The following DCBLD2 variants were observed in gnomAD, a reference collection of about 807,000 sequenced individuals.
DCBLD2 encodes discoidin, CUB and LCCL domain containing 2, also known as discoidin, CUB and LCCL domain-containing protein 2.
Under a neutral mutation model 86.8 loss-of-function variants are expected in DCBLD2, and 54 were observed. That is an observed-to-expected ratio of 0.62 (90% confidence interval 0.50 to 0.78). The LOEUF (loss-of-function observed/expected upper bound fraction) is 0.78, where lower values mean the gene tolerates loss of function less well. Among genes scored for constraint, DCBLD2 ranks in the 30% least tolerant of loss-of-function variants. DCBLD2 has a pLI of 0.00. For missense variants in DCBLD2, 908 were observed against 954.2 expected, an observed-to-expected ratio of 0.95 and a Z score of 0.64; for synonymous variants, 354 against 341.3, an observed-to-expected ratio of 1.04 and a Z score of -0.41.
chr3:98,819,286 T>C lies in DCBLD2; in HGVS notation c.1003A>G (p.Lys335Glu). ...SWKPKKARLK[K>E]PGPPWAAFAT... ...AAAGCAGCCCAAGGCGGTCCAGGTTTTTTCAGCCTGGCTTTTTTGGGTTTC... is the reference window on the plus strand; with the variant it reads ...AAAGCAGCCCAAGGCGGTCCAGGTTCTTTCAGCCTGGCTTTTTTGGGTTTC... The change falls in exon 8 of 16, where the codon AAA (lysine) becomes GAA (glutamate). Residue 335 changes from lysine to glutamate, a missense_variant. Around this residue, in one of 3 missense-constraint regions of DCBLD2, gnomAD observed 606 missense variants for 678.5 expected, o/e 0.89. Transcript: ENST00000326840. 1 of 1,613,562 alleles carries C rather than the reference T, an allele frequency of 6.2e-7. No homozygotes were observed. Among genetic ancestry groups the C allele is most frequent in the South Asian group, 1.1e-5 (1 of 91,010 alleles).
intron 3 of DCBLD2, among the ~76,000 whole-genome samples, chr3:98,836,622 CGG>C (rs1942457605): frequency 1.5e-5 from 2 of 135,670 alleles, no homozygotes; most frequent in African/African-American, 2.7e-5. Flanking sequence ...ACCTCCCAGA[CGG>C]GGCGGCTGGC....
intron 3 of DCBLD2, among the ~76,000 whole-genome samples, chr3:98,844,849 A>G (rs1009228821): frequency 6.6e-6 from 1 of 152,148 alleles, no homozygotes; most frequent in Non-Finnish European, 1.5e-5. Context: ...AATTTTCAGA[A>G]AGTCTGGCCG....
intron 3 of DCBLD2, among the ~76,000 whole-genome samples, chr3:98,846,620 C>T (rs1344859744): frequency 6.6e-6 from 1 of 152,074 alleles, no homozygotes; most frequent in Non-Finnish European, 1.5e-5. Flanking sequence ...TGAGATTTCC[C>T]AAGATGATTA....
intron 3 of DCBLD2, among the ~76,000 whole-genome samples, chr3:98,838,990 A>C (rs1345576994): frequency 6.8e-6 from 1 of 147,878 alleles, no homozygotes; most frequent in African/African-American, 2.5e-5. Flanking sequence ...GCAGCAGTAC[A>C]GTCCAGCTTC....
At chr3:98,872,987 C>T (rs879344920) in intron 2 of DCBLD2, among the ~76,000 whole-genome samples, 4 of 152,000 alleles carry the variant, frequency 2.6e-5, no homozygotes, top group Non-Finnish European at 5.9e-5. Context: ...CAAAGTGATT[C>T]AGAAAGGCTA....
At chr3:98,842,787 AC>A (rs1444233931) in intron 3 of DCBLD2, among the ~76,000 whole-genome samples, 1 of 152,206 alleles carries the variant, frequency 6.6e-6, no homozygotes, top group Non-Finnish European at 1.5e-5. Flanking sequence ...AAATCTCCAT[AC>A]ACTAAAAAAT....
chr3:98,797,939 T>G lies in DCBLD2; in HGVS notation c.*1433A>C, dbSNP rs1941643817. On this transcript the variant is annotated 3_prime_UTR_variant, in exon 16 of 16. Transcript: ENST00000326840. Reference sequence around the variant, plus strand: ...AAGAGGGAATGTCAAATTTATGTATTTTTATCATATGGTGAGCTGCTCATG... The same window carrying G: ...AAGAGGGAATGTCAAATTTATGTATGTTTATCATATGGTGAGCTGCTCATG... 6.6e-6 allele frequency: 1 copy of G among 152,218 alleles called. No individual in the cohort carries two copies. The highest frequency in any genetic ancestry group is 1.5e-5 in the Non-Finnish European group (1 of 68,034). The allele number at this position is 152,218 out of a possible 1,614,324, so 9.4% of individuals were successfully genotyped here.
At chr3:98,801,397 T>C (rs1416321801) in intron 14 of DCBLD2, 1 of 455,030 alleles carries the variant, frequency 2.2e-6, no homozygotes, top group Non-Finnish European at 3.9e-6. Context: ...TTTAAGAAAT[T>C]TGTACTTTTC....
At chr3:98,829,440 C>A (rs1286577895) in intron 3 of DCBLD2, among the ~76,000 whole-genome samples, 1 of 152,132 alleles carries the variant, frequency 6.6e-6, no homozygotes, top group Non-Finnish European at 1.5e-5. Context: ...CTCCCTCCTC[C>A]CACCCTCCAG....
At chr3:98,866,480 ATG>A (rs1943147556) in intron 2 of DCBLD2, among the ~76,000 whole-genome samples, 1 of 151,978 alleles carries the variant, frequency 6.6e-6, no homozygotes, top group African/African-American at 2.4e-5. Flanking sequence ...GCATTTTTTC[ATG>A]TGTCTTTTGG....
At chr3:98,846,349 T>C (rs899786854) in intron 3 of DCBLD2, among the ~76,000 whole-genome samples, 23 of 152,262 alleles carry the variant, frequency 1.5e-4, no homozygotes, top group African/African-American at 5.3e-4. Flanking sequence ...TCCTTGAAAA[T>C]ATTTATGGAA....
intron 1 of DCBLD2, among the ~76,000 whole-genome samples, chr3:98,883,239 A>G (rs1027263722): frequency 1.3e-5 from 2 of 152,140 alleles, no homozygotes; most frequent in Non-Finnish European, 2.9e-5. Context: ...ATATTTCTAA[A>G]AACACTATGT....
At chr3:98,893,926 G>A (rs1257868463) in intron 1 of DCBLD2, among the ~76,000 whole-genome samples, 1 of 152,188 alleles carries the variant, frequency 6.6e-6, no homozygotes, top group African/African-American at 2.4e-5. Flanking sequence ...CCCCACTTGG[G>A]ACTTGATTAG....
chr3:98,836,660 A>G (rs1426116808), intron 3 of DCBLD2, among the ~76,000 whole-genome samples: 2 of 123,662 alleles, frequency 1.6e-5, no homozygotes, highest in Non-Finnish European at 3.6e-5. Context: ...CTCACTTCCC[A>G]GTAGGGGCGG....
chr3:98,839,102 CTTCTTTCT>C (rs148957784), intron 3 of DCBLD2, among the ~76,000 whole-genome samples: 1 of 125,944 alleles, frequency 7.9e-6, no homozygotes, highest in Non-Finnish European at 1.8e-5. Context: ...CCTGTGCTCC[CTTCTTTCT>C]TTCTTTCTTT....
At chr3:98,865,157 C>T (rs542476537) in intron 2 of DCBLD2, among the ~76,000 whole-genome samples, 3 of 152,250 alleles carry the variant, frequency 2.0e-5, no homozygotes, top group South Asian at 4.1e-4. Context: ...AAGATACCTA[C>T]ACTCCCATGT....
At chr3:98,872,775 TA>T (rs1019295683) in intron 2 of DCBLD2, among the ~76,000 whole-genome samples, 2 of 151,192 alleles carry the variant, frequency 1.3e-5, no homozygotes, top group African/African-American at 2.4e-5. Context: ...AAAAGACACT[TA>T]AAAAAAACCA....
rs762308000 is a variant in DCBLD2, at chr3:98,819,233, T to C, written c.1056A>G (p.Gln352=). The C allele has an allele frequency of 1.9e-6, 3 of 1,594,852 alleles. No homozygotes were observed. The highest frequency in any genetic ancestry group is 1.8e-5 in the Admixed American group (1 of 56,252). The change falls in exon 8 of 16, where the codon CAA becomes CAG. Residue 352 remains glutamine (Q), a synonymous_variant. Coordinates refer to ENST00000326840, the MANE Select transcript of DCBLD2 (RefSeq NM_080927.4). The part of the protein sequence containing the change: ...AFATDEYQWL[Q]IDLNKEKKIT... ...TTTTCTTTTCCTTATTCAAATCTATTTGTAACCACTGGTATTCATCAGTGG... is the reference window on the plus strand; with the variant it reads ...TTTTCTTTTCCTTATTCAAATCTATCTGTAACCACTGGTATTCATCAGTGG...
intron 14 of DCBLD2, 24 bp downstream of exon 14, chr3:98,801,576 A>G: frequency 2.5e-6 from 4 of 1,597,498 alleles, no homozygotes; most frequent in Non-Finnish European, 3.4e-6. Flanking sequence ...GATAGAAATG[A>G]GATGCAAAGA....
Sources: gnomAD v4.1 joint callset for allele counts (sites outside exome capture counted in the v4.1 genomes callset) on GRCh38, gnomAD v4.1.1 for gene constraint, gnomAD v4.1.1 regional missense constraint, MANE v1.5 for transcripts, NCBI Gene and HGNC (gene_info 2026-07-23, HGNC 2026-07-21) for gene names.